The following C12orf56 variants were observed in gnomAD, a reference collection of about 807,000 sequenced individuals.
C12orf56 encodes chromosome 12 open reading frame 56.
C12orf56 carries 71 observed loss-of-function variants against 69.9 expected under a neutral mutation model. The ratio of observed to expected loss-of-function variants is 1.02; its 90% CI spans 0.84 to 1.24. The LOEUF (loss-of-function observed/expected upper bound fraction) is 1.24, where lower values mean the gene tolerates loss of function less well. Among genes scored for constraint, C12orf56 ranks in the 50% most tolerant of loss-of-function variants. C12orf56 has a pLI of 0.00. For synonymous variants in C12orf56, 276 were observed against 274.1 expected (o/e 1.01, Z -0.07); for missense variants, 732 against 738.5 (o/e 0.99, Z 0.10).
chr12:64,377,519 T>C (rs2039658098), intron 1 of C12orf56, among the ~76,000 whole-genome samples: 1 of 152,188 alleles, frequency 6.6e-6, no homozygotes, highest in South Asian at 2.1e-4. Flanking sequence ...TGTTTGTGAT[T>C]TCTTTGTAAA....
intron 1 of C12orf56, among the ~76,000 whole-genome samples, chr12:64,383,437 C>T (rs1357906836): frequency 1.3e-5 from 2 of 151,968 alleles, no homozygotes; most frequent in South Asian, 2.1e-4. Flanking sequence ...AGTGCAGTGG[C>T]GCGATCTTGG....
chr12:64,382,967 C>T (rs1173769554), intron 1 of C12orf56, among the ~76,000 whole-genome samples: 1 of 151,922 alleles, frequency 6.6e-6, no homozygotes, highest in African/African-American at 2.4e-5. Flanking sequence ...TTGTTCATTC[C>T]TGGGCATCCA....
chr12:64,302,282 A>G (rs1204084656), intron 6 of C12orf56, among the ~76,000 whole-genome samples: 2 of 152,126 alleles, frequency 1.3e-5, no homozygotes, highest in East Asian at 1.9e-4. Context: ...CAATGTCTCA[A>G]TGTTGTGGGA....
chr12:64,300,244 T>C (rs1427469157), intron 6 of C12orf56, among the ~76,000 whole-genome samples: 16 of 152,152 alleles, frequency 1.1e-4, no homozygotes, highest in Non-Finnish European at 2.9e-5. Flanking sequence ...TTATCCTACA[T>C]GGCTCGATCT....
intron 1 of C12orf56, among the ~76,000 whole-genome samples, chr12:64,387,077 C>CAACAAAAAAAAAAAAAAAAAA (rs1201123599): frequency 7.1e-5 from 3 of 42,086 alleles, no homozygotes; most frequent in African/African-American, 3.3e-4. Flanking sequence ...GACTCTATCT[C>CAACAAAAAAAAAAAAAAAAAA]AAAAAAAAAA....
chr12:64,298,339 A>G (rs1299544132), intron 6 of C12orf56, among the ~76,000 whole-genome samples: 1 of 151,952 alleles, frequency 6.6e-6, no homozygotes, highest in East Asian at 1.9e-4. Context: ...TTGTCTGTTC[A>G]CTCTGATGAT....
chr12:64,378,041 ATC>A (rs1353798193), intron 1 of C12orf56, among the ~76,000 whole-genome samples: 2 of 152,218 alleles, frequency 1.3e-5, no homozygotes, highest in Non-Finnish European at 2.9e-5. Flanking sequence ...TAAGAATATT[ATC>A]TGAGTTGTTA....
chr12:64,310,971 T>C (rs2038603458), intron 5 of C12orf56, among the ~76,000 whole-genome samples: 1 of 152,026 alleles, frequency 6.6e-6, no homozygotes, highest in Admixed American at 6.6e-5. Flanking sequence ...ATGTAGTGTT[T>C]GGTTTCTCGT....
intron 1 of C12orf56, among the ~76,000 whole-genome samples, chr12:64,377,555 A>G (rs896653187): frequency 1.3e-5 from 2 of 152,204 alleles, no homozygotes; most frequent in African/African-American, 4.8e-5. Context: ...TTCAAAATGC[A>G]AAGGAGTACC....
In C12orf56 at chr12:64,387,654, A is replaced by G. The variant is rs2039812466; in HGVS notation, c.252+2660T>C. On this transcript the variant is annotated intron_variant, in intron 1 of 12. Coordinates refer to ENST00000543942, the MANE Select transcript of C12orf56 (RefSeq NM_001170633.2). ...TGGCAAAACCCTGTCTCTACAAAAA[A>G]TACGAAAACTAGCCAGGCATGGTGG... Among the ~76,000 whole-genome samples, 2 of 151,952 alleles carry G rather than the reference A, an allele frequency of 1.3e-5. 1 individual carries two copies. The highest frequency in any genetic ancestry group is 4.8e-5 in the African/African-American group (2 of 41,380).
chr12:64,329,988 C>T (rs1314510889), intron 3 of C12orf56, among the ~76,000 whole-genome samples: 1 of 151,986 alleles, frequency 6.6e-6, no homozygotes, highest in African/African-American at 2.4e-5. Flanking sequence ...AATAAACATA[C>T]GTGTGCATGT....
intron 1 of C12orf56, among the ~76,000 whole-genome samples, chr12:64,360,362 T>C (rs1259461546): frequency 6.6e-6 from 1 of 151,846 alleles, no homozygotes; most frequent in Admixed American, 6.6e-5. Context: ...GAGGTGGAGG[T>C]TGCAGTGAGC....
chr12:64,341,733 A>G (rs7976429), intron 2 of C12orf56, among the ~76,000 whole-genome samples: 23,065 of 152,112 alleles, frequency 0.15, 1,914 homozygotes, highest in East Asian at 0.27. Flanking sequence ...TGCCCTTTCC[A>G]TGATGGAAAA....
At chr12:64,349,200 T>C (rs2039188470) in intron 2 of C12orf56, among the ~76,000 whole-genome samples, 1 of 152,014 alleles carries the variant, frequency 6.6e-6, no homozygotes, top group African/African-American at 2.4e-5. Context: ...TATCAAAAAG[T>C]GGGTTAAGGA....
chr12:64,318,729 C>T lies in C12orf56; in HGVS notation c.740G>A (p.Gly247Glu), dbSNP rs765440951. The T allele has an allele frequency of 2.9e-4, 452 of 1,536,928 alleles. No homozygotes were observed. Among genetic ancestry groups the T allele is most frequent in the Non-Finnish European group, 3.6e-4 (412 of 1,146,872 alleles). The stretch of plus-strand genomic sequence containing the variant: ...GGAATTTCCTAAGTAAAACTCATTT[C>T]CATTCCCATTGCACTTGAAAGGAAT... The part of the protein sequence containing the change: ...SEIPFKCNGN[G>E]NEFYLGNSLL... Residue 247 changes from glycine to glutamate, a missense_variant, in exon 4 of 13, where the codon GGA (glycine) becomes GAA (glutamate). By Grantham distance (98) the Gly-to-Glu change is moderately conservative. Coordinates refer to ENST00000543942, the MANE Select transcript of C12orf56 (RefSeq NM_001170633.2).
At chr12:64,318,528 T>TA (rs1331097563) in intron 4 of C12orf56, 47 bp downstream of exon 4, 2 of 1,427,282 alleles carry the variant, frequency 1.4e-6, no homozygotes, top group Non-Finnish European at 9.2e-7. Flanking sequence ...CTCTAAAAAA[T>TA]AAAAATATAA....
rs117998670 is a variant in C12orf56 at position 64,362,295 on chromosome 12, C to T, written c.253-9239G>A. 3.0e-4 allele frequency among the ~76,000 whole-genome samples: 45 copies of T among 152,082 alleles called. No individual in the cohort carries two copies. The East Asian group carries it at 4.3e-3, about 14-fold the overall frequency. On this transcript the variant is annotated intron_variant, in intron 1 of 12. Transcript: ENST00000543942. ...GACTTGCTTTGGAAGGAACTGTTAC[C>T]GGAAAGTGGTCTCGATACAGAACCC... is the stretch of plus-strand genomic sequence containing the variant.
chr12:64,277,072 A>G (rs572643414), intron 9 of C12orf56, among the ~76,000 whole-genome samples: 5 of 151,294 alleles, frequency 3.3e-5, no homozygotes, highest in African/African-American at 1.2e-4. Context: ...CCATATATTT[A>G]AGAACTATCA....
intron 1 of C12orf56, among the ~76,000 whole-genome samples, chr12:64,360,198 A>G (rs2039380871): frequency 6.6e-6 from 1 of 151,820 alleles, no homozygotes; most frequent in African/African-American, 2.4e-5. Context: ...GGCTGAGGCC[A>G]GCGATTGCAT....
Sources: gnomAD v4.1 joint callset for allele counts (sites outside exome capture counted in the v4.1 genomes callset) on GRCh38, gnomAD v4.1.1 for gene constraint, MANE v1.5 for transcripts, NCBI Gene and HGNC (gene_info 2026-07-23, HGNC 2026-07-21) for gene names.